The following KCNC4 variants were observed in gnomAD, a reference collection of about 807,000 sequenced individuals.
The protein encoded by KCNC4 is potassium voltage-gated channel subfamily C member 4.
KCNC4 carries 23 observed loss-of-function variants against 42.8 expected under a neutral mutation model. The observed-to-expected ratio is 0.54, with a 90% CI of 0.39 to 0.76. The LOEUF is 0.76. Among genes scored for constraint, KCNC4 ranks in the 30% least tolerant of loss-of-function variants. The pLI is 0.00. For missense variants in KCNC4, 751 were observed against 898.2 expected, an observed-to-expected ratio of 0.84 and a Z score of 2.10; for synonymous variants, 422 against 393.5, an observed-to-expected ratio of 1.07 and a Z score of -0.86.
intron 1 of KCNC4, chr1:110,256,676 C>A: frequency 1.3e-5 from 2 of 152,768 alleles, no homozygotes; most frequent in South Asian, 3.9e-4. Context: ...CAGGCCCGGT[C>A]ACAGTGGTTG....
intron 1 of KCNC4, among the ~76,000 whole-genome samples, chr1:110,256,441 A>C (rs1387809493): frequency 1.3e-5 from 2 of 152,242 alleles, no homozygotes; most frequent in African/African-American, 4.8e-5. Flanking sequence ...TTGGTCACTC[A>C]GAACTTGTAG....
chr1:110,267,386 A>T (rs4838974), intron 1 of KCNC4, among the ~76,000 whole-genome samples: 90,396 of 151,974 alleles, frequency 0.59, 27,354 homozygotes, highest in African/African-American at 0.7. Context: ...GCTGTGCTGC[A>T]CACACCTCAG....
At chr1:110,265,412 TAAAA>T (rs1659524560) in intron 1 of KCNC4, among the ~76,000 whole-genome samples, 1 of 96,166 alleles carries the variant, frequency 1.0e-5, no homozygotes, top group East Asian at 2.8e-4. Flanking sequence ...TAAAATAAAA[TAAAA>T]TAAAATATTC....
chr1:110,223,118 A>C lies in KCNC4; in HGVS notation c.833A>C (p.Glu278Ala), dbSNP rs1658192993. 1 of 1,614,086 alleles carries C rather than the reference A, an allele frequency of 6.2e-7. No homozygotes were observed. Among genetic ancestry groups the C allele is most frequent in the African/African-American group, 1.3e-5 (1 of 74,924 alleles). ...CACTTCCGGCGGGAGGTAGAGACAGAGCCCATCCTGACCTACATCGAGGGC... is the reference window on the plus strand; with the variant it reads ...CACTTCCGGCGGGAGGTAGAGACAGCGCCCATCCTGACCTACATCGAGGGC... Reference protein sequence around the residue: ...SVHFRREVETEPILTYIEGVC... With the variant: ...SVHFRREVETAPILTYIEGVC... The change falls in exon 2 of 4, where the codon GAG becomes GCG. Residue 278 changes from glutamate to alanine, a missense_variant. Coordinates refer to ENST00000438661, the MANE Select transcript of KCNC4 (RefSeq NM_001039574.3). The surrounding 1 kb of genome is among the most constrained non-coding windows in gnomAD (Gnocchi z 7.5).
exon 4 of KCNC4, chr1:110,241,635 C>T (rs1435114078): frequency 6.6e-6 from 1 of 152,192 alleles, no homozygotes; most frequent in Non-Finnish European, 1.5e-5. Context: ...ATGGAGGCTG[C>T]CTCTGTCTGG....
chr1:110,241,625 A>ATGGAGGCTGCCTC (rs1553215296), exon 4 of KCNC4: 1 of 152,202 alleles, frequency 6.6e-6, no homozygotes, highest in Non-Finnish European at 1.5e-5. Context: ...GTGATATGCA[A>ATGGAGGCTGCCTC]TGGAGGCTGC....
chr1:110,215,833 T>C (rs554724297), intron 1 of KCNC4, among the ~76,000 whole-genome samples: 1 of 152,362 alleles, frequency 6.6e-6, no homozygotes. Flanking sequence ...CCACTTGTGG[T>C]AGAACTAGGA....
At chr1:110,213,170 T>TAAA (rs760587471) in intron 1 of KCNC4, among the ~76,000 whole-genome samples, 3,115 of 50,790 alleles carry the variant, frequency 0.061, 542 homozygotes, top group African/African-American at 0.22. Context: ...CTTCGACAGC[T>TAAA]AAAAAAAAAA....
chr1:110,275,610 A>G (rs927553002), intron 1 of KCNC4, among the ~76,000 whole-genome samples: 8 of 152,206 alleles, frequency 5.3e-5, no homozygotes, highest in East Asian at 1.9e-4. Flanking sequence ...GTGTCCATCA[A>G]TGGAGGACTG....
chr1:110,216,833 G>A (rs2603594), intron 1 of KCNC4, among the ~76,000 whole-genome samples: 74,544 of 151,882 alleles, frequency 0.49, 18,598 homozygotes, highest in Non-Finnish European at 0.53. Context: ...GCCCCTAGCA[G>A]GGGTCCTTAT....
In KCNC4 at chr1:110,223,386, A is replaced by G; in HGVS notation, c.1101A>G (p.Leu367=). The G allele has an allele frequency of 1.2e-6, 2 of 1,613,928 alleles. No individual in the cohort carries two copies. Among genetic ancestry groups the G allele is most frequent in the African/African-American group, 2.7e-5 (2 of 75,050 alleles). ...AGCTCACACGCCACTTCGTGGGGCT[A>G]CGCGTGCTGGGCCACACCCTGAGGG... ...IFKLTRHFVG[L]RVLGHTLRAS... is the part of the protein sequence containing the mutation. Residue 367 remains leucine, a synonymous_variant, in exon 2 of 4, where the codon CTA becomes CTG. Transcript: ENST00000438661. This position sits in a 1 kb window ranked among gnomAD's most constrained non-coding sequence, Gnocchi z 7.5.
chr1:110,236,915 A>T (rs1006601753), downstream of KCNC4: 3 of 152,184 alleles, frequency 2.0e-5, no homozygotes, highest in African/African-American at 7.2e-5. Context: ...TTTAAATTTT[A>T]AAAAATCTTT....
chr1:110,245,477 T>G (rs1659125584), exon 4 of KCNC4: 1 of 152,162 alleles, frequency 6.6e-6, no homozygotes, highest in Non-Finnish European at 1.5e-5. Flanking sequence ...TGGCAAAAAG[T>G]GTCAGAAGCT....
chr1:110,265,611 G>A (rs573882854), intron 1 of KCNC4, among the ~76,000 whole-genome samples: 53 of 152,232 alleles, frequency 3.5e-4, no homozygotes, highest in African/African-American at 1.1e-3. Context: ...ATGTCAAAAA[G>A]TTAACCATCT....
chr1:110,216,607 C>T (rs572743734), intron 1 of KCNC4, among the ~76,000 whole-genome samples: 3 of 152,212 alleles, frequency 2.0e-5, no homozygotes, highest in South Asian at 4.1e-4. Context: ...TTTGGAGACT[C>T]GGGGGAAGAG....
At chr1:110,280,936 A>C (rs1359180346) in intron 1 of KCNC4, among the ~76,000 whole-genome samples, 1 of 151,952 alleles carries the variant, frequency 6.6e-6, no homozygotes, top group Non-Finnish European at 1.5e-5. Context: ...AGTGATCTTT[A>C]CCCAGCTTAG....
At chr1:110,234,856 A>C (rs1032956858), downstream of KCNC4, 1 of 152,084 alleles carries the variant, frequency 6.6e-6, no homozygotes, top group Non-Finnish European at 1.5e-5. Context: ...CCTCAATTCA[A>C]AGTCTTGCTT....
At chr1:110,261,137 T>G (rs1454639944) in intron 1 of KCNC4, among the ~76,000 whole-genome samples, 1 of 146,716 alleles carries the variant, frequency 6.8e-6, no homozygotes, top group Non-Finnish European at 1.5e-5. Context: ...ATGCTTGAAG[T>G]CATTACAATG....
At chr1:110,222,588 C>T in intron 1 of KCNC4, 1 of 225,746 alleles carries the variant, frequency 4.4e-6, no homozygotes, top group East Asian at 9.8e-5. Context: ...ACAGGACCTG[C>T]CCCAAGCCTC....
Sources: gnomAD v4.1 joint callset for allele counts (sites outside exome capture counted in the v4.1 genomes callset) on GRCh38, gnomAD v4.1.1 for gene constraint, Gnocchi (gnomAD v3.1) non-coding constraint, MANE v1.5 for transcripts, NCBI Gene and HGNC (gene_info 2026-07-23, HGNC 2026-07-21) for gene names.